Variants in MAML2 observed in about 807,000 individuals in gnomAD.
MAML2 encodes the protein mastermind like transcriptional coactivator 2.
Under a neutral mutation model 96.1 loss-of-function variants are expected in MAML2, and 22 were observed. The ratio of observed to expected loss-of-function variants is 0.23; its 90% CI spans 0.16 to 0.33. The LOEUF is 0.33. Among genes scored for constraint, MAML2 ranks in the 10% least tolerant of loss-of-function variants. The probability of loss-of-function intolerance (pLI) is 1.00; values close to 1 mark genes in which losing one functional copy is unlikely to be tolerated. For missense variants in MAML2, 1,367 were observed against 1,392.4 expected, an observed-to-expected ratio of 0.98 and a Z score of 0.29; for synonymous variants, 561 against 521.3, an observed-to-expected ratio of 1.08 and a Z score of -1.04.
Position 96,091,885 on chromosome 11 carries a change from C to T in MAML2, c.2139+7G>A. 6.2e-6 allele frequency: 10 copies of T among 1,610,456 alleles called. No individual in the cohort carries two copies. Among genetic ancestry groups the T allele is most frequent in the South Asian group, 1.1e-5 (1 of 90,080 alleles). On this transcript the variant is annotated splice_region_variant and intron_variant, in intron 2 of 4. Coordinates refer to ENST00000524717, the MANE Select transcript of MAML2 (RefSeq NM_032427.4). Reference sequence around the variant, plus strand: ...GAACTCTGTATTTGGAGTAGTAGAGCCCTTACCTGTCTCTGTTGTTGGGAG... The same window carrying T: ...GAACTCTGTATTTGGAGTAGTAGAGTCCTTACCTGTCTCTGTTGTTGGGAG...
At chr11:96,191,854 C>G (rs1861658856) in intron 1 of MAML2, among the ~76,000 whole-genome samples, 1 of 151,688 alleles carries the variant, frequency 6.6e-6, no homozygotes, top group Non-Finnish European at 1.5e-5. Flanking sequence ...GGATGTAGAC[C>G]CAAGTTCTTG....
intron 2 of MAML2, among the ~76,000 whole-genome samples, chr11:96,025,735 G>A (rs1347096007): frequency 6.6e-6 from 1 of 151,080 alleles, no homozygotes; most frequent in Non-Finnish European, 1.5e-5. Flanking sequence ...TTTTTTCTTT[G>A]TATTTTTAGT....
chr11:96,133,687 T>C (rs1273535088), intron 1 of MAML2, among the ~76,000 whole-genome samples: 1 of 152,204 alleles, frequency 6.6e-6, no homozygotes, highest in African/African-American at 2.4e-5. Flanking sequence ...AGGCTGTGTA[T>C]ATTACCAGAT....
At chr11:96,226,525 C>T (rs555577597) in intron 1 of MAML2, among the ~76,000 whole-genome samples, 1 of 152,260 alleles carries the variant, frequency 6.6e-6, no homozygotes, top group African/African-American at 2.4e-5. Flanking sequence ...AAAAGCTGCT[C>T]TAGAGGAAAG....
At chr11:96,321,798 T>G (rs1346720972) in intron 1 of MAML2, among the ~76,000 whole-genome samples, 1 of 152,240 alleles carries the variant, frequency 6.6e-6, no homozygotes, top group Non-Finnish European at 1.5e-5. Context: ...AATGGACATT[T>G]GTCATAGCAA....
intron 1 of MAML2, among the ~76,000 whole-genome samples, chr11:96,101,403 G>A (rs1472060024): frequency 2.0e-5 from 3 of 152,178 alleles, no homozygotes; most frequent in Admixed American, 2.0e-4. Flanking sequence ...TAGTCATTGA[G>A]GAGAAAGGGA....
Position 95,978,967 on chromosome 11 carries a change from A to C in MAML2, c.3452T>G (p.Ile1151Ser). 1.9e-6 allele frequency: 3 copies of C among 1,608,302 alleles called. No homozygotes were observed. Among genetic ancestry groups the C allele is most frequent in the Non-Finnish European group, 2.5e-6 (3 of 1,177,466 alleles). Residue 1151 changes from isoleucine to serine, a missense_variant, in exon 5 of 5, where the codon ATC becomes AGC. Coordinates refer to ENST00000524717, the MANE Select transcript of MAML2 (RefSeq NM_032427.4). ...DWMKDINLDE[I>S]LGNNS ...TCTTCTTTAGGAATTGTTCCCCAAGATTTCATCAAGATTGATGTCTTTCAT... is the reference window on the plus strand; with the variant it reads ...TCTTCTTTAGGAATTGTTCCCCAAGCTTTCATCAAGATTGATGTCTTTCAT...
intron 1 of MAML2, among the ~76,000 whole-genome samples, chr11:96,302,064 G>A (rs1019523413): frequency 6.6e-6 from 1 of 152,148 alleles, no homozygotes; most frequent in Non-Finnish European, 1.5e-5. Context: ...CCTTACAAAA[G>A]CCCTATCAGT....
chr11:96,314,586 CTCTT>C (rs1409360717), intron 1 of MAML2, among the ~76,000 whole-genome samples: 2 of 152,224 alleles, frequency 1.3e-5, no homozygotes, highest in Non-Finnish European at 1.5e-5. Context: ...CCACCTCCTT[CTCTT>C]TGTTTCAACT....
chr11:96,019,684 T>TAA (rs1337807982), intron 2 of MAML2, among the ~76,000 whole-genome samples: 47 of 330 alleles, frequency 0.14, no homozygotes, highest in East Asian at 0.5. Flanking sequence ...ATAATAATAA[T>TAA]TATAATAATA....
At chr11:96,260,797 A>AT (rs1194087347) in intron 1 of MAML2, among the ~76,000 whole-genome samples, 2 of 142,544 alleles carry the variant, frequency 1.4e-5, no homozygotes, top group Non-Finnish European at 3.2e-5. Flanking sequence ...TTTGCAGGCA[A>AT]AAAAAAAAAA....
At chr11:96,039,516 G>T (rs1422526564) in intron 2 of MAML2, among the ~76,000 whole-genome samples, 1 of 152,182 alleles carries the variant, frequency 6.6e-6, no homozygotes, top group Non-Finnish European at 1.5e-5. Flanking sequence ...GCTTTATGGA[G>T]AAGATGACAT....
At chr11:96,199,617 G>C (rs879313114) in intron 1 of MAML2, among the ~76,000 whole-genome samples, 22 of 151,618 alleles carry the variant, frequency 1.5e-4, no homozygotes, top group Non-Finnish European at 2.6e-4. Flanking sequence ...GGGCTATGGC[G>C]GTTCTATTGT....
chr11:96,012,542 A>C (rs1395999142), intron 2 of MAML2, among the ~76,000 whole-genome samples: 1 of 152,200 alleles, frequency 6.6e-6, no homozygotes, highest in Non-Finnish European at 1.5e-5. Flanking sequence ...CTCTATGTGC[A>C]CATGTCTTGA....
intron 1 of MAML2, among the ~76,000 whole-genome samples, chr11:96,299,169 G>C (rs1264723295): frequency 6.7e-6 from 1 of 149,036 alleles, no homozygotes; most frequent in Non-Finnish European, 1.5e-5. Context: ...TTTAGAGAGG[G>C]GTTCAGTATC....
chr11:96,158,938 C>A (rs1400587472), intron 1 of MAML2, among the ~76,000 whole-genome samples: 3 of 152,112 alleles, frequency 2.0e-5, no homozygotes, highest in African/African-American at 4.8e-5. Flanking sequence ...TGCCTTTGGG[C>A]CCCTCTAACA....
chr11:96,071,545 C>T (rs1344418003), intron 2 of MAML2, among the ~76,000 whole-genome samples: 1 of 152,150 alleles, frequency 6.6e-6, no homozygotes, highest in Non-Finnish European at 1.5e-5. Flanking sequence ...TTTTGGACTC[C>T]CAAATACCTG....
intron 1 of MAML2, among the ~76,000 whole-genome samples, chr11:96,254,940 C>T (rs183047593): frequency 1.6e-4 from 25 of 152,264 alleles, no homozygotes; most frequent in African/African-American, 5.5e-4. Flanking sequence ...CTCAGCCTCC[C>T]GAGCAGCTGG....
At chr11:96,038,532 G>T (rs1858755272) in intron 2 of MAML2, among the ~76,000 whole-genome samples, 1 of 152,228 alleles carries the variant, frequency 6.6e-6, no homozygotes, top group Non-Finnish European at 1.5e-5. Flanking sequence ...AAAGCAATGT[G>T]CTAGGCACTT....
Sources: allele counts gnomAD v4.1 joint callset (sites outside exome capture counted in the v4.1 genomes callset), GRCh38; gene constraint gnomAD v4.1.1; transcripts MANE v1.5; gene names NCBI Gene and HGNC (gene_info 2026-07-23, HGNC 2026-07-21).